NKAIN3: variants seen among roughly 807,000 people sequenced by gnomAD.
NKAIN3 encodes sodium/potassium-transporting ATPase subunit beta-1-interacting protein 3.
NKAIN3 carries 25 observed loss-of-function variants against 30.2 expected under a neutral mutation model. The observed-to-expected ratio is 0.83, with a 90% confidence interval of 0.60 to 1.16. NKAIN3 has a LOEUF of 1.16. Among genes scored for constraint, NKAIN3 ranks in the 50% most tolerant of loss-of-function variants. NKAIN3 has a pLI of 0.00. For missense variants in NKAIN3, 225 were observed against 254.1 expected (o/e 0.89, Z 0.78); for synonymous variants, 91 against 89.6 (o/e 1.02, Z -0.09).
chr8:62,363,527 G>A (rs188723114), intron 1 of NKAIN3, among the ~76,000 whole-genome samples: 1 of 152,130 alleles, frequency 6.6e-6, no homozygotes, highest in African/African-American at 2.4e-5. Context: ...GCTGCAGACT[G>A]TCTCATCAAA....
chr8:62,260,075 A>G (rs1488488180), intron 1 of NKAIN3, among the ~76,000 whole-genome samples: 5 of 152,132 alleles, frequency 3.3e-5, no homozygotes, highest in Admixed American at 6.5e-5. Flanking sequence ...AGAAGTATTG[A>G]AAGAGGATTT....
chr8:62,383,159 C>A (rs914060756), intron 1 of NKAIN3, among the ~76,000 whole-genome samples: 1 of 152,052 alleles, frequency 6.6e-6, no homozygotes, highest in Non-Finnish European at 1.5e-5. Context: ...TTACTCAATA[C>A]CAAAAGAACT....
intron 3 of NKAIN3, among the ~76,000 whole-genome samples, chr8:62,664,337 G>A (rs1813032541): frequency 6.6e-6 from 1 of 152,016 alleles, no homozygotes; most frequent in South Asian, 2.1e-4. Flanking sequence ...CCATAACAGG[G>A]TTTAGACCCA....
At chr8:62,441,058 G>C (rs1805309306) in intron 1 of NKAIN3, among the ~76,000 whole-genome samples, 1 of 151,902 alleles carries the variant, frequency 6.6e-6, no homozygotes, top group Non-Finnish European at 1.5e-5. Context: ...TTATTTGTTT[G>C]CTATCCTATT....
At position 62,954,558 on chromosome 8, in the gene NKAIN3, C is replaced by A. The variant is rs1191855144; in HGVS notation, c.603+586C>A. Reference sequence around the variant, plus strand: ...TGAAAGGAAGTCAGCAACAACAAAACCACCTAAAACTGGTGAGATTTCAGT... The same window carrying A: ...TGAAAGGAAGTCAGCAACAACAAAAACACCTAAAACTGGTGAGATTTCAGT... On this transcript the variant is annotated intron_variant, in intron 6 of 6. Coordinates refer to ENST00000623646, the MANE Select transcript of NKAIN3 (RefSeq NM_001304533.3). Among the ~76,000 whole-genome samples, 3 of 152,124 alleles carry A rather than the reference C, an allele frequency of 2.0e-5. No homozygotes were observed. The East Asian group carries it at 5.8e-4, about 29-fold the overall frequency.
At chr8:62,670,055 T>A (rs1813250320) in intron 3 of NKAIN3, among the ~76,000 whole-genome samples, 2 of 152,126 alleles carry the variant, frequency 1.3e-5, no homozygotes, top group South Asian at 4.1e-4. Context: ...ATAATCCAGA[T>A]TAGCAAAGAC....
intron 1 of NKAIN3, among the ~76,000 whole-genome samples, chr8:62,288,226 G>A (rs778212210): frequency 2.0e-5 from 3 of 151,468 alleles, no homozygotes; most frequent in Non-Finnish European, 4.4e-5. Context: ...ACCTTACATA[G>A]GCTAGTTCCT....
intron 1 of NKAIN3, among the ~76,000 whole-genome samples, chr8:62,329,875 C>A (rs1815281394): frequency 1.3e-5 from 2 of 151,928 alleles, no homozygotes; most frequent in Non-Finnish European, 2.9e-5. Context: ...ATTGCTGGGT[C>A]AAATAGTAGT....
chr8:62,656,566 T>C (rs770421629), intron 3 of NKAIN3, among the ~76,000 whole-genome samples: 4 of 152,174 alleles, frequency 2.6e-5, no homozygotes, highest in Non-Finnish European at 5.9e-5. Context: ...CCAACTAGTC[T>C]TGTAAATTAG....
intron 3 of NKAIN3, among the ~76,000 whole-genome samples, chr8:62,691,373 C>T (rs1338690923): frequency 6.6e-6 from 1 of 151,922 alleles, no homozygotes; most frequent in African/African-American, 2.4e-5. Flanking sequence ...AACTGTACGG[C>T]TTAGACAACA....
At chr8:62,951,672 C>T (rs1823288976) in intron 5 of NKAIN3, among the ~76,000 whole-genome samples, 1 of 152,098 alleles carries the variant, frequency 6.6e-6, no homozygotes, top group Non-Finnish European at 1.5e-5. Context: ...CATTGTTGCC[C>T]AGCTGGCCTC....
chr8:62,285,921 A>G (rs1813366112), intron 1 of NKAIN3, among the ~76,000 whole-genome samples: 1 of 152,326 alleles, frequency 6.6e-6, no homozygotes, highest in South Asian at 2.1e-4. Context: ...GAATCTGTGT[A>G]TTATGCATGT....
chr8:62,735,555 T>A (rs1815634956), intron 3 of NKAIN3, among the ~76,000 whole-genome samples: 1 of 152,180 alleles, frequency 6.6e-6, no homozygotes, highest in African/African-American at 2.4e-5. Context: ...TCCTGTAACA[T>A]TTTTTAAATG....
chr8:62,705,606 T>G (rs1814492886), intron 3 of NKAIN3, among the ~76,000 whole-genome samples: 1 of 152,222 alleles, frequency 6.6e-6, no homozygotes, highest in South Asian at 2.1e-4. Flanking sequence ...ATATTGGGTA[T>G]TCTGGACTGT....
rs143288013 is a variant in NKAIN3 at position 62,651,705 on chromosome 8, G to C, written c.273+61911G>C. On this transcript the variant is annotated intron_variant, in intron 3 of 6. Transcript: ENST00000623646. ...AATGTGATTCCCAATGTTGGAGGTG[G>C]GGGTCTGGTGGGAGGTGATTTGATC... is the stretch of plus-strand genomic sequence containing the variant. Among the ~76,000 whole-genome samples, 502 of 152,190 alleles carry C rather than the reference G, an allele frequency of 3.3e-3. 5 individuals are homozygous for C. The highest frequency in any genetic ancestry group is 0.01 in the Middle Eastern group (3 of 292).
At chr8:62,923,229 G>A (rs1042149484) in intron 5 of NKAIN3, among the ~76,000 whole-genome samples, 3 of 152,024 alleles carry the variant, frequency 2.0e-5, no homozygotes, top group Admixed American at 6.6e-5. Flanking sequence ...GCTTGGGATC[G>A]GAAGTGGGAG....
intron 1 of NKAIN3, among the ~76,000 whole-genome samples, chr8:62,407,654 A>T (rs1199076357): frequency 6.6e-6 from 1 of 152,140 alleles, no homozygotes; most frequent in Non-Finnish European, 1.5e-5. Context: ...GATGGTCTCG[A>T]TCTCTTGATC....
At chr8:62,954,001 T>C in intron 6 of NKAIN3, 29 bp downstream of exon 6, 2 of 824,826 alleles carry the variant, frequency 2.4e-6, no homozygotes, top group Non-Finnish European at 2.9e-6. Context: ...ATATGGAAAA[T>C]ATTAATCCTT....
In NKAIN3 at chr8:62,887,150, T is replaced by C. The variant is rs887101659; in HGVS notation, c.472-31303T>C. ...TATGTGTGTACTGAACACTAAATATTTCACTTCTCTCTCTTCTTGCTTTCA... is the reference window on the plus strand; with the variant it reads ...TATGTGTGTACTGAACACTAAATATCTCACTTCTCTCTCTTCTTGCTTTCA... On this transcript the variant is annotated intron_variant, in intron 4 of 6. Coordinates refer to ENST00000623646, the MANE Select transcript of NKAIN3 (RefSeq NM_001304533.3). 2.0e-5 allele frequency among the ~76,000 whole-genome samples: 3 copies of C among 152,298 alleles called. No individual in the cohort carries two copies. The Middle Eastern group carries it at 0.01, about 518-fold the overall frequency.
Sources: allele counts gnomAD v4.1 joint callset (sites outside exome capture counted in the v4.1 genomes callset), GRCh38; gene constraint gnomAD v4.1.1; transcripts MANE v1.5; gene names NCBI Gene and HGNC (gene_info 2026-07-23, HGNC 2026-07-21).